The following LRBA variants were observed in gnomAD, a reference collection of about 807,000 sequenced individuals.
LRBA encodes the protein lipopolysaccharide-responsive and beige-like anchor protein.
In LRBA, 176 loss-of-function variants were observed where a neutral mutation model predicts 330.0. The observed-to-expected ratio is 0.53, with a 90% CI of 0.47 to 0.60. The LOEUF (loss-of-function observed/expected upper bound fraction) is 0.60. Ranked by LOEUF, LRBA falls within the 20% of genes least tolerant of loss-of-function variation. The pLI is 0.00. For synonymous variants in LRBA, 1,230 were observed against 1,193.0 expected (o/e 1.03, Z -0.64); for missense variants, 3,259 against 3,444.8 (o/e 0.95, Z 1.35).
intron 23 of LRBA, 96 bp from the exon 24 acceptor site, chr4:150,850,998 A>C: frequency 1.2e-6 from 1 of 822,920 alleles, no homozygotes; most frequent in Non-Finnish European, 1.9e-6. Context: ...CAATTCATCT[A>C]ACACGTTTTT....
chr4:150,654,273 G>T (rs1194985711), intron 37 of LRBA, among the ~76,000 whole-genome samples: 1 of 152,084 alleles, frequency 6.6e-6, no homozygotes, highest in East Asian at 1.9e-4. Context: ...TGCAACCTCT[G>T]CCTCCCGGGT....
intron 2 of LRBA, among the ~76,000 whole-genome samples, chr4:150,986,613 G>A (rs529564265): frequency 3.3e-5 from 5 of 152,244 alleles, no homozygotes; most frequent in South Asian, 2.1e-4. Context: ...ACCAATCACT[G>A]AAATCTCCAA....
At chr4:150,661,078 TAAAAAAAA>T (rs559512113) in intron 37 of LRBA, among the ~76,000 whole-genome samples, 39 of 102,624 alleles carry the variant, frequency 3.8e-4, no homozygotes, top group Non-Finnish European at 4.5e-4. Context: ...AAAAATAAAT[TAAAAAAAA>T]AAAAAAAAAA....
intron 2 of LRBA, among the ~76,000 whole-genome samples, chr4:150,990,325 G>A (rs543957022): frequency 1.3e-5 from 2 of 152,258 alleles, no homozygotes; most frequent in Admixed American, 6.5e-5. Context: ...CATATTTAAC[G>A]TGGTAGTCTA....
At chr4:150,784,964 C>T (rs561407563) in intron 34 of LRBA, among the ~76,000 whole-genome samples, 54 of 152,316 alleles carry the variant, frequency 3.5e-4, no homozygotes, top group Admixed American at 2.9e-3. Context: ...ATGGGCTCAC[C>T]TTGCCCGCTG....
intron 5 of LRBA, among the ~76,000 whole-genome samples, chr4:150,917,620 C>G (rs1244455470): frequency 6.6e-6 from 1 of 151,964 alleles, no homozygotes; most frequent in East Asian, 1.9e-4. Flanking sequence ...TCTTGTATAG[C>G]CAAAACAATC....
chr4:150,581,375 G>T, intron 40 of LRBA: 1 of 437,482 alleles, frequency 2.3e-6, no homozygotes, highest in Non-Finnish European at 4.6e-6. Flanking sequence ...CTGATTCTTG[G>T]CAACAATGGG....
intron 40 of LRBA, among the ~76,000 whole-genome samples, chr4:150,566,412 T>C (rs1561362547): frequency 6.6e-6 from 1 of 152,050 alleles, no homozygotes; most frequent in Non-Finnish European, 1.5e-5. Flanking sequence ...TATATCTGGA[T>C]TGTATCTGAA....
intron 56 of LRBA, 36 bp from the exon 57 acceptor site, chr4:150,265,848 C>G (rs1288662261): frequency 1.5e-6 from 2 of 1,306,060 alleles, no homozygotes; most frequent in African/African-American, 2.9e-5. Context: ...TTTTACAAAC[C>G]TGTGTGTCCT....
chr4:150,913,186 G>T (rs1732204889), intron 9 of LRBA, among the ~76,000 whole-genome samples: 1 of 152,302 alleles, frequency 6.6e-6, no homozygotes, highest in East Asian at 1.9e-4. Flanking sequence ...GAAAAATGCA[G>T]GTCAGGTGCA....
intron 5 of LRBA, among the ~76,000 whole-genome samples, chr4:150,919,429 T>C (rs76317947): frequency 0.026 from 4,027 of 152,360 alleles, 76 homozygotes; most frequent in Middle Eastern, 0.051. Context: ...GTAACTTACA[T>C]ATGCATTTAT....
In LRBA at chr4:150,868,320, A is replaced by G. The variant is rs1459213976; in HGVS notation, c.2450-15T>C. ...TTTTAGTATCTCTGTAAGACAGTTT[A>G]TAAATAAGTAAAAACCAAACTCAAC... On this transcript the variant is annotated splice_polypyrimidine_tract_variant and intron_variant, in intron 20 of 56. Coordinates refer to ENST00000651943, the MANE Select transcript of LRBA (RefSeq NM_001364905.1). The G allele has an allele frequency of 6.4e-7, 1 of 1,560,256 alleles. No homozygotes were observed. Among genetic ancestry groups the G allele is most frequent in the East Asian group, 2.3e-5 (1 of 44,422 alleles).
chr4:150,531,500 T>C (rs943785543), intron 40 of LRBA, among the ~76,000 whole-genome samples: 10 of 152,196 alleles, frequency 6.6e-5, no homozygotes, highest in Non-Finnish European at 1.2e-4. Flanking sequence ...CCATATGACA[T>C]ACGTGTTTAT....
rs575728074 is a variant in LRBA at position 150,529,800 on chromosome 4, T to C, written c.6331-38765A>G. ...ACAATCAGTACACTCTTTTCTCTAC[T>C]TTTTCTTATGGAAAATTCGAAACAT... is the stretch of plus-strand genomic sequence containing the variant. On this transcript the variant is annotated intron_variant, in intron 40 of 56. Transcript: ENST00000651943. Among the ~76,000 whole-genome samples, 3 of 152,280 alleles carry C rather than the reference T, an allele frequency of 2.0e-5. No individual in the cohort carries two copies. In the East Asian group the frequency reaches 5.8e-4, roughly 29 times the overall value.
At chr4:150,888,124 AGAAAG>A (rs1190350272) in intron 17 of LRBA, among the ~76,000 whole-genome samples, 1 of 152,222 alleles carries the variant, frequency 6.6e-6, no homozygotes, top group African/African-American at 2.4e-5. Flanking sequence ...AACACAGGAA[AGAAAG>A]GAAAGGAAAA....
intron 35 of LRBA, among the ~76,000 whole-genome samples, chr4:150,740,437 A>G (rs1302846343): frequency 6.6e-6 from 1 of 152,100 alleles, no homozygotes; most frequent in African/African-American, 2.4e-5. Context: ...AGAAAAATGT[A>G]AACAATTAAA....
At chr4:150,972,406 A>G (rs772875095) in intron 2 of LRBA, among the ~76,000 whole-genome samples, 27 of 152,190 alleles carry the variant, frequency 1.8e-4, no homozygotes, top group Non-Finnish European at 3.1e-4. Flanking sequence ...GTACTTAACA[A>G]GAAAAAACAG....
At chr4:150,978,567 G>C (rs1204994797) in intron 2 of LRBA, among the ~76,000 whole-genome samples, 1 of 152,172 alleles carries the variant, frequency 6.6e-6, no homozygotes, top group African/African-American at 2.4e-5. Flanking sequence ...GAGAAACAGA[G>C]ATATGTGGCC....
At chr4:150,736,636 G>A (rs1332283438) in intron 35 of LRBA, among the ~76,000 whole-genome samples, 4 of 152,104 alleles carry the variant, frequency 2.6e-5, no homozygotes, top group African/African-American at 9.7e-5. Context: ...AAGTGTATCT[G>A]TAGTATAAGA....
Sources: allele counts gnomAD v4.1 joint callset (sites outside exome capture counted in the v4.1 genomes callset), GRCh38; gene constraint gnomAD v4.1.1; transcripts MANE v1.5; gene names NCBI Gene and HGNC (gene_info 2026-07-23, HGNC 2026-07-21).